Variants in RBFOX1 observed in about 807,000 individuals in gnomAD.
RBFOX1 encodes RNA binding protein fox-1 homolog 1.
A neutral mutation model predicts 57.7 loss-of-function variants in RBFOX1; 8 were observed. The observed-to-expected ratio is 0.14, with a 90% CI of 0.08 to 0.25. The LOEUF is 0.25. Ranked by LOEUF, RBFOX1 falls within the 10% of genes least tolerant of loss-of-function variation. The pLI, the probability that RBFOX1 is intolerant of heterozygous loss-of-function variation, is 1.00. For missense variants in RBFOX1, 611 were observed against 548.5 expected (o/e 1.11, Z -1.14); for synonymous variants, 326 against 222.4 (o/e 1.47, Z -4.15).
chr16:5,398,477 C>A (rs1268693843), intron 1 of RBFOX1, among the ~76,000 whole-genome samples: 1 of 151,452 alleles, frequency 6.6e-6, no homozygotes, highest in Non-Finnish European at 1.5e-5. Flanking sequence ...GTGTGAATTG[C>A]AGGCACTTGT....
chr16:7,002,189 A>G (rs1211934308), intron 3 of RBFOX1, among the ~76,000 whole-genome samples: 7 of 152,130 alleles, frequency 4.6e-5, no homozygotes, highest in Non-Finnish European at 1.5e-5. Context: ...CATGCAATCT[A>G]AGAAATTAGG....
rs117848036 is a variant in RBFOX1 at position 6,182,162 on chromosome 16, C to G, written c.-126-134833C>G. ...TTGGAGATCCTATCACATTATTAAGCTTATTCTCTGGGAAAGAAAATTGGG... is the reference window on the plus strand; with the variant it reads ...TTGGAGATCCTATCACATTATTAAGGTTATTCTCTGGGAAAGAAAATTGGG... On this transcript the variant is annotated intron_variant, in intron 1 of 15. Coordinates refer to ENST00000550418, the MANE Select transcript of RBFOX1 (RefSeq NM_018723.4). Among the ~76,000 whole-genome samples, 90 of 152,210 alleles carry G rather than the reference C, an allele frequency of 5.9e-4. No homozygotes were observed. The East Asian group carries it at 0.013, about 21-fold the overall frequency.
At chr16:6,921,320 G>C (rs1473899562) in intron 3 of RBFOX1, among the ~76,000 whole-genome samples, 1 of 152,162 alleles carries the variant, frequency 6.6e-6, no homozygotes, top group African/African-American at 2.4e-5. Flanking sequence ...GCTCTCACAT[G>C]ACTCCAGTGA....
intron 2 of RBFOX1, among the ~76,000 whole-genome samples, chr16:5,576,446 C>T (rs987984061): frequency 1.3e-5 from 2 of 152,174 alleles, no homozygotes; most frequent in African/African-American, 4.8e-5. Context: ...AAATAATCCC[C>T]TCCCACCAAC....
At chr16:7,424,629 C>T (rs1393303485) in intron 4 of RBFOX1, among the ~76,000 whole-genome samples, 1 of 152,130 alleles carries the variant, frequency 6.6e-6, no homozygotes, top group Non-Finnish European at 1.5e-5. Context: ...CATAGCTGTT[C>T]ACAAGGTACA....
intron 4 of RBFOX1, among the ~76,000 whole-genome samples, chr16:7,490,764 G>A (rs2066723719): frequency 6.6e-6 from 1 of 152,082 alleles, no homozygotes; most frequent in Admixed American, 6.5e-5. Context: ...TCTAGTCTTG[G>A]TGAAACAAGC....
intron 1 of RBFOX1, among the ~76,000 whole-genome samples, chr16:5,316,959 G>C (rs547392470): frequency 6.6e-6 from 1 of 152,312 alleles, no homozygotes; most frequent in South Asian, 2.1e-4. Context: ...CTCTTACTAT[G>C]TCTCTTCTGG....
rs373146976 is a variant in RBFOX1, at chr16:6,578,554, A to G, written c.-63-76049A>G. Among the ~76,000 whole-genome samples the G allele has an allele frequency of 1.2e-4, 14 of 121,492 alleles. No homozygotes were observed. In the East Asian group the frequency reaches 1.7e-3, roughly 15 times the overall value. The allele number at this position is 121,492 out of a possible 152,430, so 79.7% of individuals were successfully genotyped here. On this transcript the variant is annotated intron_variant, in intron 2 of 15. Coordinates refer to ENST00000550418, the MANE Select transcript of RBFOX1 (RefSeq NM_018723.4). The stretch of plus-strand genomic sequence containing the variant: ...AAGCATTCTGTCCTAAACTCCAAAC[A>G]TTGTGCCCAATGGGGATGTCGGCTA...
intron 3 of RBFOX1, among the ~76,000 whole-genome samples, chr16:6,798,066 T>C (rs977763317): frequency 4.6e-5 from 7 of 152,062 alleles, no homozygotes; most frequent in Non-Finnish European, 8.8e-5. Context: ...CACATAGGCA[T>C]GTTAGAAAGA....
At chr16:5,557,243 G>C (rs978416773) in intron 2 of RBFOX1, among the ~76,000 whole-genome samples, 17 of 151,446 alleles carry the variant, frequency 1.1e-4, no homozygotes, top group African/African-American at 3.6e-4. Flanking sequence ...CGGGGTGACA[G>C]AGTGAGACTC....
chr16:6,873,335 T>A (rs2061281016), intron 3 of RBFOX1, among the ~76,000 whole-genome samples: 1 of 152,152 alleles, frequency 6.6e-6, no homozygotes, highest in Non-Finnish European at 1.5e-5. Flanking sequence ...GGAAAAAGAG[T>A]GCAAAATCAT....
At chr16:7,224,337 A>C (rs954632866) in intron 4 of RBFOX1, among the ~76,000 whole-genome samples, 3 of 152,106 alleles carry the variant, frequency 2.0e-5, no homozygotes, top group Middle Eastern at 3.2e-3. Context: ...CAGTATACTA[A>C]TTCTACCAAA....
At chr16:6,322,150 G>A (rs1038562595) in intron 2 of RBFOX1, among the ~76,000 whole-genome samples, 2 of 152,068 alleles carry the variant, frequency 1.3e-5, no homozygotes, top group Admixed American at 6.6e-5. Flanking sequence ...CCCTCTGTTG[G>A]CATATTGCTC....
intron 3 of RBFOX1, among the ~76,000 whole-genome samples, chr16:5,683,613 G>A (rs910908936): frequency 3.3e-5 from 5 of 151,938 alleles, no homozygotes; most frequent in Non-Finnish European, 7.4e-5. Context: ...TCCTGCCCTT[G>A]AACATCAGAC....
chr16:5,407,639 C>A (rs1247570109), intron 1 of RBFOX1, among the ~76,000 whole-genome samples: 1 of 152,034 alleles, frequency 6.6e-6, no homozygotes, highest in African/African-American at 2.4e-5. Flanking sequence ...ACCTCTGGCT[C>A]CCAAGTTCAA....
chr16:6,056,495 C>CATAT (rs2095616353), intron 1 of RBFOX1, among the ~76,000 whole-genome samples: 1 of 152,164 alleles, frequency 6.6e-6, no homozygotes, highest in African/African-American at 2.4e-5. Context: ...AGGTCACATT[C>CATAT]ATATATCTCA....
At chr16:7,707,216 C>T (rs1011594411) in intron 14 of RBFOX1, among the ~76,000 whole-genome samples, 1 of 152,154 alleles carries the variant, frequency 6.6e-6, no homozygotes, top group African/African-American at 2.4e-5. Context: ...GGAAGATGCC[C>T]AGTGCAAACC....
intron 3 of RBFOX1, among the ~76,000 whole-genome samples, chr16:6,799,511 G>C (rs1603626188): frequency 6.6e-6 from 1 of 152,232 alleles, no homozygotes; most frequent in East Asian, 1.9e-4. Flanking sequence ...AGGATGCCTA[G>C]AGAGCTGGTG....
At chr16:6,212,266 A>T (rs1165271656) in intron 1 of RBFOX1, among the ~76,000 whole-genome samples, 2 of 152,238 alleles carry the variant, frequency 1.3e-5, no homozygotes, top group Admixed American at 1.3e-4. Context: ...TATATATACT[A>T]TGATTACTTT....
Sources: allele counts gnomAD v4.1 joint callset (sites outside exome capture counted in the v4.1 genomes callset), GRCh38; gene constraint gnomAD v4.1.1; transcripts MANE v1.5; gene names NCBI Gene and HGNC (gene_info 2026-07-23, HGNC 2026-07-21).